The following CACNA1C variants were observed in gnomAD, a reference collection of about 807,000 sequenced individuals.
CACNA1C encodes the protein voltage-dependent L-type calcium channel subunit alpha-1C.
Under a neutral mutation model 229.0 loss-of-function variants are expected in CACNA1C, and 30 were observed. That is an observed-to-expected ratio of 0.13 (90% CI 0.10 to 0.18). CACNA1C has a LOEUF of 0.18. Among genes scored for constraint, CACNA1C ranks in the 10% least tolerant of loss-of-function variants. The pLI is 1.00. For missense variants in CACNA1C, 1,658 were observed against 2,845.0 expected, an observed-to-expected ratio of 0.58 and a Z score of 9.49; for synonymous variants, 1,114 against 1,132.5, an observed-to-expected ratio of 0.98 and a Z score of 0.33.
chr12:2,201,535 G>T (rs552804855), intron 3 of CACNA1C, among the ~76,000 whole-genome samples: 271 of 152,278 alleles, frequency 1.8e-3, no homozygotes, highest in African/African-American at 6.4e-3. Flanking sequence ...TCTTCCCTTA[G>T]GTCTTTGCTG....
rs1386536650 is a variant in CACNA1C, at chr12:2,067,569, G to C, written c.49+13958G>C. Among the ~76,000 whole-genome samples the C allele has an allele frequency of 6.6e-6, 1 of 151,790 alleles. No homozygotes were observed. Among genetic ancestry groups the C allele is most frequent in the East Asian group, 1.9e-4 (1 of 5,174 alleles). On this transcript the variant is annotated intron_variant, in intron 1 of 46. Transcript: ENST00000399655. The surrounding 1 kb of genome is among the most constrained non-coding windows in gnomAD (Gnocchi z 5.3). ...AGTTTGGCCTCCAGAGGGTCTTCTG[G>C]GTGCTGACACCAAAGCAGAGAGAGC...
intron 3 of CACNA1C, among the ~76,000 whole-genome samples, chr12:2,324,423 T>TG (rs1216009071): frequency 6.6e-6 from 1 of 152,244 alleles, no homozygotes; most frequent in Non-Finnish European, 1.5e-5. Context: ...TGGTGGCACC[T>TG]GAGTTTGTGC....
intron 3 of CACNA1C, among the ~76,000 whole-genome samples, chr12:2,322,634 T>C (rs1434890667): frequency 6.6e-6 from 1 of 152,174 alleles, no homozygotes; most frequent in Non-Finnish European, 1.5e-5. Context: ...AGTCAGGTGT[T>C]CCTCCCCCTT....
chr12:2,583,836 C>T (rs1033386757), intron 15 of CACNA1C, among the ~76,000 whole-genome samples: 13 of 152,204 alleles, frequency 8.5e-5, no homozygotes, highest in Non-Finnish European at 1.5e-4. Context: ...GCTGCGGCTT[C>T]CCTGTGTGTG....
chr12:2,308,014 TCCA>T (rs1312899825), intron 3 of CACNA1C, among the ~76,000 whole-genome samples: 1 of 152,306 alleles, frequency 6.6e-6, no homozygotes, highest in East Asian at 1.9e-4. Context: ...TCTTCCCACC[TCCA>T]CCCATGTGGT....
intron 3 of CACNA1C, among the ~76,000 whole-genome samples, chr12:2,328,181 C>T (rs115200886): frequency 3.3e-5 from 5 of 152,288 alleles, no homozygotes; most frequent in South Asian, 4.1e-4. Flanking sequence ...CTCTTGCCCC[C>T]CAAATGATCC....
chr12:2,450,268 G>T (rs2099348302), intron 4 of CACNA1C, among the ~76,000 whole-genome samples: 1 of 152,124 alleles, frequency 6.6e-6, no homozygotes, highest in Non-Finnish European at 1.5e-5. Context: ...TTAAAATGCA[G>T]GTGAGGTCAG....
intron 3 of CACNA1C, among the ~76,000 whole-genome samples, chr12:2,421,656 T>C (rs1393671103): frequency 6.6e-6 from 1 of 152,178 alleles, no homozygotes; most frequent in Non-Finnish European, 1.5e-5. Flanking sequence ...CTCACACCTG[T>C]AATCCCAGCG....
At chr12:2,246,099 G>A (rs931159316) in intron 3 of CACNA1C, among the ~76,000 whole-genome samples, 14 of 152,164 alleles carry the variant, frequency 9.2e-5, no homozygotes, top group Non-Finnish European at 1.9e-4. Context: ...AGCACCTGCC[G>A]TTAGGGTGGC....
intron 3 of CACNA1C, among the ~76,000 whole-genome samples, chr12:2,245,261 C>T (rs565147074): frequency 3.3e-5 from 5 of 152,172 alleles, no homozygotes; most frequent in Non-Finnish European, 7.4e-5. Flanking sequence ...TTGCTGAGTC[C>T]TCCCTCCAGG....
chr12:2,308,582 A>G (rs1389970890), intron 3 of CACNA1C, among the ~76,000 whole-genome samples: 1 of 152,200 alleles, frequency 6.6e-6, no homozygotes, highest in Non-Finnish European at 1.5e-5. Flanking sequence ...TTTGATTACT[A>G]TAGCTTTGTA....
chr12:2,212,782 C>G (rs1453046881), intron 3 of CACNA1C, among the ~76,000 whole-genome samples: 2 of 152,066 alleles, frequency 1.3e-5, no homozygotes, highest in Non-Finnish European at 2.9e-5. Flanking sequence ...ATGAGGGTGA[C>G]TAGTTAGACA....
chr12:2,580,552 G>C (rs151285197), intron 13 of CACNA1C, among the ~76,000 whole-genome samples: 1 of 152,352 alleles, frequency 6.6e-6, no homozygotes, highest in African/African-American at 2.4e-5. Context: ...CTCCCTCAGG[G>C]CCATGTCCTT....
intron 1 of CACNA1C, chr12:1,992,332 T>C (rs2041135): frequency 0.15 from 23,345 of 153,764 alleles, 1,901 homozygotes; most frequent in East Asian, 0.21. Context: ...TAATGATGCA[T>C]TGGGGTTAAA....
chr12:2,413,074 G>A (rs895158015), intron 3 of CACNA1C, among the ~76,000 whole-genome samples: 1 of 152,242 alleles, frequency 6.6e-6, no homozygotes, highest in Non-Finnish European at 1.5e-5. Flanking sequence ...CTGGAGTGCA[G>A]TGGCGTGATC....
intron 3 of CACNA1C, among the ~76,000 whole-genome samples, chr12:2,168,107 G>A (rs766988579): frequency 6.6e-6 from 1 of 152,112 alleles, no homozygotes; most frequent in Non-Finnish European, 1.5e-5. Flanking sequence ...TGTTACAGGG[G>A]CATGGAAATA....
At chr12:2,006,554 T>G (rs2043502968) in intron 1 of CACNA1C, among the ~76,000 whole-genome samples, 1 of 152,222 alleles carries the variant, frequency 6.6e-6, no homozygotes, top group South Asian at 2.1e-4. Flanking sequence ...CTACTCACAT[T>G]CATAAATTCT....
chr12:2,596,466 A>G (rs2068235087), intron 20 of CACNA1C, among the ~76,000 whole-genome samples: 1 of 152,186 alleles, frequency 6.6e-6, no homozygotes, highest in South Asian at 2.1e-4. Context: ...GCTCTGGTGA[A>G]CAATATTAAA....
chr12:2,678,745 C>G lies in CACNA1C; in HGVS notation c.5092-699C>G, dbSNP rs1359364308. On this transcript the variant is annotated intron_variant, in intron 41 of 46. Coordinates refer to ENST00000399655, the MANE Select transcript of CACNA1C (RefSeq NM_000719.7). This position sits in a 1 kb window ranked among gnomAD's most constrained non-coding sequence, Gnocchi z 4.1. ...GGACATGGCATGGTGGTGACACAACCCGACAAGACACCAGAAACCAAAGCC... is the reference window on the plus strand; with the variant it reads ...GGACATGGCATGGTGGTGACACAACGCGACAAGACACCAGAAACCAAAGCC... Among the ~76,000 whole-genome samples the G allele has an allele frequency of 6.6e-6, 1 of 152,174 alleles. No individual in the cohort carries two copies. The highest frequency in any genetic ancestry group is 1.5e-5 in the Non-Finnish European group (1 of 68,018).
Sources: allele counts gnomAD v4.1 joint callset (sites outside exome capture counted in the v4.1 genomes callset), GRCh38; gene constraint gnomAD v4.1.1; non-coding constraint Gnocchi (gnomAD v3.1); transcripts MANE v1.5; gene names NCBI Gene and HGNC (gene_info 2026-07-23, HGNC 2026-07-21).